The following MPHOSPH6 variants were observed in gnomAD, a reference collection of about 807,000 sequenced individuals.
The protein encoded by MPHOSPH6 is M-phase phosphoprotein 6.
Under a neutral mutation model 21.8 loss-of-function variants are expected in MPHOSPH6, and 25 were observed. That is an observed-to-expected ratio of 1.15 (90% CI 0.83 to 1.60). MPHOSPH6 has a LOEUF of 1.60. MPHOSPH6 is among the 40% of genes most tolerant of loss of function. The pLI, the probability that MPHOSPH6 is intolerant of heterozygous loss-of-function variation, is 0.00. For missense variants in MPHOSPH6, 269 were observed against 181.8 expected (o/e 1.48, Z -2.76); for synonymous variants, 84 against 56.5 (o/e 1.49, Z -2.18).
At chr16:82,152,476 G>T (rs1906295115) in intron 2 of MPHOSPH6, among the ~76,000 whole-genome samples, 1 of 152,260 alleles carries the variant, frequency 6.6e-6, no homozygotes, top group South Asian at 2.1e-4. Flanking sequence ...TTCCAAGGGG[G>T]ACTGGTTCCA....
intron 3 of MPHOSPH6, 137 bp downstream of exon 3, chr16:82,151,287 T>C: frequency 1.6e-6 from 2 of 1,247,616 alleles, no homozygotes; most frequent in Middle Eastern, 1.9e-4. Flanking sequence ...TAAATAGCTA[T>C]GGCGATATTT....
intron 1 of MPHOSPH6, among the ~76,000 whole-genome samples, chr16:82,169,153 A>G (rs1162064219): frequency 1.3e-5 from 2 of 152,218 alleles, no homozygotes; most frequent in Non-Finnish European, 2.9e-5. Context: ...CCCCGTTTCA[A>G]TAGCTTTCCA....
At chr16:82,166,193 T>G (rs947381337) in intron 1 of MPHOSPH6, among the ~76,000 whole-genome samples, 1 of 152,226 alleles carries the variant, frequency 6.6e-6, no homozygotes, top group African/African-American at 2.4e-5. Flanking sequence ...GTACACTTTT[T>G]GCAACTTCCT....
intron 1 of MPHOSPH6, among the ~76,000 whole-genome samples, chr16:82,169,639 A>G (rs1405803667): frequency 1.3e-5 from 2 of 152,230 alleles, no homozygotes; most frequent in African/African-American, 4.8e-5. Flanking sequence ...TACTAAAAGA[A>G]GTATTATCAA....
intron 2 of MPHOSPH6, among the ~76,000 whole-genome samples, chr16:82,159,344 A>C (rs1023877489): frequency 2.0e-5 from 3 of 152,228 alleles, no homozygotes; most frequent in African/African-American, 7.2e-5. Context: ...TAATTTTTAA[A>C]ATTTCTTACA....
chr16:82,164,445 C>G (rs1906700813), intron 1 of MPHOSPH6, among the ~76,000 whole-genome samples: 1 of 152,238 alleles, frequency 6.6e-6, no homozygotes, highest in African/African-American at 2.4e-5. Context: ...AGGGCTAAGA[C>G]ACCACATTCG....
At chr16:82,168,078 T>C (rs1746322421) in intron 1 of MPHOSPH6, among the ~76,000 whole-genome samples, 2 of 152,202 alleles carry the variant, frequency 1.3e-5, no homozygotes, top group South Asian at 4.1e-4. Flanking sequence ...TTTTTCCTTC[T>C]CCTTTGCTTC....
intron 2 of MPHOSPH6, among the ~76,000 whole-genome samples, chr16:82,157,645 GCA>G (rs1906469649): frequency 1.3e-5 from 2 of 152,248 alleles, no homozygotes; most frequent in African/African-American, 4.8e-5. Flanking sequence ...ACCCACACGT[GCA>G]CACAGTTTAA....
chr16:82,160,324 G>A (rs927039860), intron 2 of MPHOSPH6, among the ~76,000 whole-genome samples: 1 of 151,908 alleles, frequency 6.6e-6, no homozygotes, highest in Non-Finnish European at 1.5e-5. Flanking sequence ...CATAAATTTC[G>A]CAGATGAGAA....
chr16:82,163,502 T>G (rs2142416100), intron 2 of MPHOSPH6, among the ~76,000 whole-genome samples: 1 of 152,290 alleles, frequency 6.6e-6, no homozygotes, highest in South Asian at 2.1e-4. Flanking sequence ...TCCCTTAAGC[T>G]CAGTTCCTCA....
chr16:82,159,739 A>G (rs1906548266), intron 2 of MPHOSPH6, among the ~76,000 whole-genome samples: 1 of 152,164 alleles, frequency 6.6e-6, no homozygotes, highest in South Asian at 2.1e-4. Context: ...AAATGCAAAT[A>G]GCTTCTGAGT....
chr16:82,165,144 T>TGG (rs1203387918), intron 1 of MPHOSPH6, among the ~76,000 whole-genome samples: 1 of 108,626 alleles, frequency 9.2e-6, no homozygotes, highest in Non-Finnish European at 1.9e-5. Flanking sequence ...TTTTTTTTTT[T>TGG]TGAGACAGAG....
At chr16:82,157,841 C>A (rs576594495) in intron 2 of MPHOSPH6, among the ~76,000 whole-genome samples, 2 of 152,312 alleles carry the variant, frequency 1.3e-5, no homozygotes, top group South Asian at 4.2e-4. Flanking sequence ...GGAATCTAAC[C>A]TGCCTGAGAA....
chr16:82,159,329 TTAAA>T (rs1906532328), intron 2 of MPHOSPH6, among the ~76,000 whole-genome samples: 1 of 152,346 alleles, frequency 6.6e-6, no homozygotes, highest in South Asian at 2.1e-4. Context: ...AATTTGTTAT[TTAAA>T]TAATTTTTAA....
intron 1 of MPHOSPH6, among the ~76,000 whole-genome samples, chr16:82,167,054 C>T (rs1345600802): frequency 6.6e-6 from 1 of 152,152 alleles, no homozygotes; most frequent in East Asian, 1.9e-4. Flanking sequence ...TACTGGTACA[C>T]AACCATGGTC....
chr16:82,161,221 T>G (rs1432909896), intron 2 of MPHOSPH6, among the ~76,000 whole-genome samples: 1 of 152,206 alleles, frequency 6.6e-6, no homozygotes, highest in African/African-American at 2.4e-5. Flanking sequence ...TGTCTTTTGT[T>G]ACAGGGACCC....
At chr16:82,164,861 T>G (rs1190281731) in intron 1 of MPHOSPH6, 3 of 152,144 alleles carry the variant, frequency 2.0e-5, no homozygotes, top group African/African-American at 7.2e-5. Context: ...TCTTATCAAA[T>G]CTGCAGAAAG....
At chr16:82,168,265 T>C (rs534186575) in intron 1 of MPHOSPH6, among the ~76,000 whole-genome samples, 9 of 152,276 alleles carry the variant, frequency 5.9e-5, no homozygotes, top group African/African-American at 2.2e-4. Context: ...GCCAATTCAC[T>C]CCACTTCTCT....
At chr16:82,164,522 T>C (rs920168416) in intron 1 of MPHOSPH6, 8 of 220,868 alleles carry the variant, frequency 3.6e-5, no homozygotes, top group African/African-American at 1.9e-4. Flanking sequence ...TGAAATGCCC[T>C]TCTTATCCTC....
Sources: allele counts gnomAD v4.1 joint callset (sites outside exome capture counted in the v4.1 genomes callset), GRCh38; gene constraint gnomAD v4.1.1; transcripts MANE v1.5; gene names NCBI Gene and HGNC (gene_info 2026-07-23, HGNC 2026-07-21).